Variants in TAFA1 observed in about 807,000 individuals in gnomAD.
TAFA1 encodes chemokine-like protein TAFA-1.
In TAFA1, 4 loss-of-function variants were observed where a neutral mutation model predicts 18.5. That is an observed-to-expected ratio of 0.22 (90% CI 0.11 to 0.49). The LOEUF is 0.49. TAFA1 is among the 20% of genes least tolerant of loss of function. TAFA1 has a pLI of 0.98. For synonymous variants in TAFA1, 56 were observed against 55.2 expected, an observed-to-expected ratio of 1.01 and a Z score of -0.06; for missense variants, 147 against 169.0, an observed-to-expected ratio of 0.87 and a Z score of 0.72.
intron 2 of TAFA1, among the ~76,000 whole-genome samples, chr3:68,048,853 A>G (rs1575590923): frequency 6.6e-6 from 1 of 152,260 alleles, no homozygotes; most frequent in Non-Finnish European, 1.5e-5. Context: ...TAAAAAATCT[A>G]TTCATCTGTT....
intron 2 of TAFA1, among the ~76,000 whole-genome samples, chr3:68,055,026 C>T (rs925903255): frequency 3.9e-5 from 6 of 151,918 alleles, no homozygotes; most frequent in Non-Finnish European, 7.4e-5. Flanking sequence ...CACAAGCAGA[C>T]CTTCAGGCAG....
intron 2 of TAFA1, among the ~76,000 whole-genome samples, chr3:68,378,788 G>A (rs2069870765): frequency 6.6e-6 from 1 of 152,104 alleles, no homozygotes; most frequent in Non-Finnish European, 1.5e-5. Flanking sequence ...GTTCTCATGA[G>A]ATCTGATTGT....
chr3:68,218,932 A>AT (rs768764395), intron 2 of TAFA1, among the ~76,000 whole-genome samples: 9 of 152,030 alleles, frequency 5.9e-5, no homozygotes, highest in Non-Finnish European at 1.3e-4. Flanking sequence ...TTAGCTCTGA[A>AT]TGTGAAATCC....
chr3:68,403,674 C>A (rs2070539876), intron 2 of TAFA1, among the ~76,000 whole-genome samples: 1 of 152,194 alleles, frequency 6.6e-6, no homozygotes, highest in East Asian at 1.9e-4. Flanking sequence ...TGTGATATAA[C>A]AGCGAAGTTT....
At chr3:68,327,970 T>A (rs1346374082) in intron 2 of TAFA1, among the ~76,000 whole-genome samples, 1 of 152,212 alleles carries the variant, frequency 6.6e-6, no homozygotes, top group African/African-American at 2.4e-5. Context: ...TGGAGGCATC[T>A]GGGTATTGAG....
At chr3:68,491,801 C>G (rs1193876612) in intron 3 of TAFA1, among the ~76,000 whole-genome samples, 1 of 152,138 alleles carries the variant, frequency 6.6e-6, no homozygotes, top group Non-Finnish European at 1.5e-5. Context: ...TGGGCACTGT[C>G]AGCACAACAT....
At chr3:68,019,235 T>G (rs1165810431) in intron 2 of TAFA1, among the ~76,000 whole-genome samples, 1 of 152,218 alleles carries the variant, frequency 6.6e-6, no homozygotes, top group Non-Finnish European at 1.5e-5. Flanking sequence ...GAATAATGCT[T>G]GATTCTTAAT....
chr3:68,009,451 A>G (rs17140935), intron 2 of TAFA1, among the ~76,000 whole-genome samples: 2,661 of 152,294 alleles, frequency 0.017, 96 homozygotes, highest in African/African-American at 0.061. Context: ...GTGTATTATC[A>G]ACCAATGCGT....
chr3:67,998,852 ATCT>A, the TAFA1 span, among the ~76,000 whole-genome samples: 2 of 152,130 alleles, frequency 1.3e-5, no homozygotes, highest in South Asian at 4.1e-4. Flanking sequence ...GAAACCATAC[ATCT>A]TCTTTATTAT....
intron 3 of TAFA1, among the ~76,000 whole-genome samples, chr3:68,504,235 C>T (rs1354061619): frequency 1.3e-5 from 2 of 152,158 alleles, no homozygotes; most frequent in Admixed American, 6.6e-5. Context: ...AACCTAGTCC[C>T]TCTTGCCCAG....
chr3:68,393,326 T>G (rs1462644678), intron 2 of TAFA1, among the ~76,000 whole-genome samples: 2 of 150,350 alleles, frequency 1.3e-5, no homozygotes, highest in Non-Finnish European at 3.0e-5. Flanking sequence ...AATCCCTGAA[T>G]AGACCAATAG....
intron 2 of TAFA1, among the ~76,000 whole-genome samples, chr3:68,377,674 T>A (rs1009355189): frequency 6.6e-6 from 1 of 152,194 alleles, no homozygotes; most frequent in African/African-American, 2.4e-5. Flanking sequence ...CTCCAGGGCA[T>A]GTCAGAGATC....
chr3:67,993,485 GT>G, the TAFA1 span, among the ~76,000 whole-genome samples: 2 of 152,138 alleles, frequency 1.3e-5, no homozygotes, highest in African/African-American at 4.8e-5. Context: ...AATAAACAAA[GT>G]ATTATAATGT....
At chr3:68,418,025 G>A (rs902039858) in intron 3 of TAFA1, among the ~76,000 whole-genome samples, 8 of 152,062 alleles carry the variant, frequency 5.3e-5, no homozygotes, top group African/African-American at 1.9e-4. Context: ...TCCAACACTG[G>A]GGGTTACAAT....
chr3:68,192,507 G>T, intron 2 of TAFA1: 1 of 190,178 alleles, frequency 5.3e-6, no homozygotes, highest in Non-Finnish European at 1.2e-5. Flanking sequence ...CCCATTGAAT[G>T]GAATCTGAAT....
intron 2 of TAFA1, among the ~76,000 whole-genome samples, chr3:68,009,709 T>A (rs578092584): frequency 6.6e-6 from 1 of 152,178 alleles, no homozygotes; most frequent in Non-Finnish European, 1.5e-5. Flanking sequence ...TAGATCTTGG[T>A]CATAGCCATA....
chr3:68,159,954 A>C (rs965274586), intron 2 of TAFA1, among the ~76,000 whole-genome samples: 2 of 152,196 alleles, frequency 1.3e-5, no homozygotes, highest in African/African-American at 4.8e-5. Flanking sequence ...CTAGCTTTGG[A>C]ATAAAAAGTC....
chr3:68,302,699 G>A (rs2068327610), intron 2 of TAFA1, among the ~76,000 whole-genome samples: 2 of 152,118 alleles, frequency 1.3e-5, no homozygotes, highest in Non-Finnish European at 2.9e-5. Context: ...TGGGACACAG[G>A]AAGCAGTCTC....
At chr3:68,378,017 A>G (rs1210375604) in intron 2 of TAFA1, among the ~76,000 whole-genome samples, 1 of 152,240 alleles carries the variant, frequency 6.6e-6, no homozygotes, top group Non-Finnish European at 1.5e-5. Context: ...ATGTCCAGGC[A>G]GAAGTCTGCT....
Sources: gnomAD v4.1 joint callset for allele counts (sites outside exome capture counted in the v4.1 genomes callset) on GRCh38, gnomAD v4.1.1 for gene constraint, MANE v1.5 for transcripts, NCBI Gene and HGNC (gene_info 2026-07-23, HGNC 2026-07-21) for gene names.